UBN1: variants seen among roughly 807,000 people sequenced by gnomAD.
The protein encoded by UBN1 is ubinuclein-1.
UBN1 carries 17 observed loss-of-function variants against 108.5 expected under a neutral mutation model. The ratio of observed to expected loss-of-function variants is 0.16; its 90% CI spans 0.11 to 0.24. UBN1 has a LOEUF of 0.24. UBN1 is among the 10% of genes least tolerant of loss of function. UBN1 has a pLI of 1.00. For missense variants in UBN1, 1,595 were observed against 1,394.4 expected, an observed-to-expected ratio of 1.14 and a Z score of -2.29; for synonymous variants, 726 against 564.2, an observed-to-expected ratio of 1.29 and a Z score of -4.07.
At chr16:4,879,980 C>T in intron 17 of UBN1, 103 bp from the exon 18 acceptor site, 1 of 1,270,352 alleles carries the variant, frequency 7.9e-7, no homozygotes, top group Non-Finnish European at 1.1e-6. Flanking sequence ...CATTTGGGGA[C>T]TTTTGCTATT....
intron 7 of UBN1, among the ~76,000 whole-genome samples, chr16:4,868,333 G>A (rs1163437975): frequency 7.2e-5 from 11 of 152,186 alleles, no homozygotes; most frequent in Admixed American, 7.2e-4. Flanking sequence ...TAGAGAGCTC[G>A]TGGTATACCA....
chr16:4,870,682 T>C (rs982274517), intron 10 of UBN1, 48 bp downstream of exon 10: 5 of 1,607,968 alleles, frequency 3.1e-6, no homozygotes, highest in East Asian at 4.5e-5. Context: ...GTCTTGCCTC[T>C]TCCCCTCCCG....
intron 2 of UBN1, among the ~76,000 whole-genome samples, chr16:4,857,352 A>AG (rs201843691): frequency 0.068 from 2,556 of 37,398 alleles, 65 homozygotes; most frequent in African/African-American, 0.18. Flanking sequence ...CTCTTATCTC[A>AG]AAAAAAAAAA....
intron 7 of UBN1, among the ~76,000 whole-genome samples, chr16:4,864,907 AT>A (rs1259635814): frequency 3.9e-5 from 6 of 152,224 alleles, no homozygotes; most frequent in African/African-American, 1.4e-4. Context: ...TTTAAAAAAA[AT>A]CATGCCCGAT....
In UBN1 at chr16:4,875,013, C is replaced by G; in HGVS notation, c.2603C>G (p.Ser868Cys). ...GCCACCTCAGGAGGCCTGTCAGCCTCCAGCAGCAGCTCTCACAAGACCCCA... is the reference window on the plus strand; with the variant it reads ...GCCACCTCAGGAGGCCTGTCAGCCTGCAGCAGCAGCTCTCACAAGACCCCA... The part of the protein sequence containing the change: ...APATSGGLSA[S>C]SSSSHKTPAS... The change falls in exon 15 of 18, where the codon TCC becomes TGC. Residue 868 changes from serine (S) to cysteine (C), a missense_variant. This residue lies in a region of UBN1 where 1,398 missense variants were observed against 1,194.7 expected (regional missense o/e 1.17). Coordinates refer to ENST00000262376, the MANE Select transcript of UBN1 (RefSeq NM_001079514.3). 1.9e-6 allele frequency: 3 copies of G among 1,614,112 alleles called. No individual in the cohort carries two copies. Among genetic ancestry groups the G allele is most frequent in the Non-Finnish European group, 2.5e-6 (3 of 1,180,042 alleles).
chr16:4,873,769 A>C (rs1671066381), intron 14 of UBN1, among the ~76,000 whole-genome samples: 1 of 152,204 alleles, frequency 6.6e-6, no homozygotes, highest in Admixed American at 6.5e-5. Flanking sequence ...CTTTGAACCC[A>C]GTCTGAGGAG....
chr16:4,873,110 C>G (rs764219720), intron 14 of UBN1, 37 bp downstream of exon 14: 2 of 1,613,346 alleles, frequency 1.2e-6, no homozygotes, highest in South Asian at 2.2e-5. Context: ...TCAGCTATGC[C>G]CATCTCCCTA....
intron 4 of UBN1, 103 bp downstream of exon 4, chr16:4,858,766 T>A: frequency 8.7e-7 from 1 of 1,151,936 alleles, no homozygotes; most frequent in Non-Finnish European, 1.3e-6. Flanking sequence ...CGTGCCCTCT[T>A]CCCAGCATGA....
chr16:4,871,082 G>A (rs2087609203), intron 11 of UBN1, 73 bp from the exon 12 acceptor site: 1 of 1,604,838 alleles, frequency 6.2e-7, no homozygotes, highest in Non-Finnish European at 8.5e-7. Flanking sequence ...CAGGGCTGCT[G>A]AAAGCACATG....
At chr16:4,861,138 G>A in intron 7 of UBN1, 36 bp downstream of exon 7, 1 of 1,572,684 alleles carries the variant, frequency 6.4e-7, no homozygotes, top group Non-Finnish European at 8.6e-7. Flanking sequence ...TTTCCTGGAA[G>A]CAGTTTGGGC....
Position 4,870,868 on chromosome 16 carries a change from G to C in UBN1, c.1455G>C (p.Lys485Asn). Reference sequence around the variant, plus strand: ...GGATGCTGGAAGAGGAGAAAGACAAGGAGCAGAGGGACCGGATTTGTTCGG... The same window carrying C: ...GGATGCTGGAAGAGGAGAAAGACAACGAGCAGAGGGACCGGATTTGTTCGG... Reference protein sequence around the residue: ...VAKMLEEEKDKEQRDRICSDE... With the variant: ...VAKMLEEEKDNEQRDRICSDE... The change falls in exon 11 of 18, where the codon AAG (lysine) becomes AAC (asparagine). Residue 485 changes from lysine (K) to asparagine (N), a missense_variant. Lys to Asn is a moderately conservative substitution (Grantham distance 94, BLOSUM62 0). Coordinates refer to ENST00000262376, the MANE Select transcript of UBN1 (RefSeq NM_001079514.3). The C allele has an allele frequency of 6.2e-7, 1 of 1,614,028 alleles. No individual in the cohort carries two copies. Among genetic ancestry groups the C allele is most frequent in the Non-Finnish European group, 8.5e-7 (1 of 1,179,962 alleles).
rs1379024126 is a variant in UBN1 at position 4,880,731 on chromosome 16, T to C, written c.*599T>C. On this transcript the variant is annotated 3_prime_UTR_variant, in exon 18 of 18. Transcript: ENST00000262376. Reference sequence around the variant, plus strand: ...TCGGAACATGACAATGAAGCTCTTTTAGAGAAAAGACCTTTGTAGATTCAA... The same window carrying C: ...TCGGAACATGACAATGAAGCTCTTTCAGAGAAAAGACCTTTGTAGATTCAA... 6.5e-6 allele frequency: 1 copy of C among 152,704 alleles called. No individual in the cohort carries two copies. Among genetic ancestry groups the C allele is most frequent in the Non-Finnish European group, 1.5e-5 (1 of 68,426 alleles). 9.5% of individuals were successfully genotyped at this position (152,704 alleles called of 1,614,324 possible). A position where few individuals can be genotyped will look rare whatever the true frequency, so the allele number is the denominator to read the frequency against.
At chr16:4,866,482 T>C (rs1423355009) in intron 7 of UBN1, among the ~76,000 whole-genome samples, 2 of 152,226 alleles carry the variant, frequency 1.3e-5, no homozygotes, top group African/African-American at 4.8e-5. Context: ...ATGGGAAATA[T>C]ACTGATGAAT....
intron 1 of UBN1, among the ~76,000 whole-genome samples, chr16:4,850,580 T>A (rs1025597812): frequency 6.6e-6 from 1 of 152,218 alleles, no homozygotes; most frequent in African/African-American, 2.4e-5. Flanking sequence ...GAAATCTCCT[T>A]TAACATCTTA....
At chr16:4,849,852 C>T (rs1158567920) in intron 1 of UBN1, among the ~76,000 whole-genome samples, 2 of 149,492 alleles carry the variant, frequency 1.3e-5, no homozygotes, top group Non-Finnish European at 3.0e-5. Context: ...CTGCCTTAGC[C>T]TCCCAAAGTG....
At chr16:4,859,689 C>T (rs948696094) in intron 5 of UBN1, among the ~76,000 whole-genome samples, 176 bp from the exon 6 acceptor site, 9 of 152,098 alleles carry the variant, frequency 5.9e-5, no homozygotes, top group South Asian at 4.1e-4. Context: ...CAGGAGACAC[C>T]GTCGGTGGGA....
Position 4,875,223 on chromosome 16 carries a change from A to G in UBN1, c.2813A>G (p.Gln938Arg). 17 of 1,614,216 alleles carry G rather than the reference A, an allele frequency of 1.1e-5. No homozygotes were observed. The highest frequency in any genetic ancestry group is 1.4e-5 in the Non-Finnish European group (17 of 1,180,056). ...TCTGGGAGCCTGGTCCCTGGCATAC[A>G]GCCTCCCTCCGTGGGACAGGCCACC... is the stretch of plus-strand genomic sequence containing the variant. ...SVSGSLVPGI[Q>R]PPSVGQATSR... Residue 938 changes from glutamine (Q) to arginine (R), a missense_variant, in exon 15 of 18, where the codon CAG becomes CGG. Physicochemically the swap from Gln to Arg is conservative, Grantham distance 43. This residue lies in a region of UBN1 where 1,398 missense variants were observed against 1,194.7 expected (regional missense o/e 1.17). Transcript: ENST00000262376.
At chr16:4,865,979 A>T (rs1382818884) in intron 7 of UBN1, among the ~76,000 whole-genome samples, 1 of 152,116 alleles carries the variant, frequency 6.6e-6, no homozygotes, top group Non-Finnish European at 1.5e-5. Flanking sequence ...AAACTAAAAT[A>T]AAAAAATAAA....
At position 4,876,946 on chromosome 16, in the gene UBN1, C is replaced by G; in HGVS notation, c.3100C>G (p.Leu1034Val). 6.2e-7 allele frequency: 1 copy of G among 1,614,200 alleles called. No individual in the cohort carries two copies. Among genetic ancestry groups the G allele is most frequent in the Non-Finnish European group, 8.5e-7 (1 of 1,180,036 alleles). ...ACCCTACAAATCCAGCAGCCCAAAG[C>G]TGTCTGGGGCCATGAGCTCGAACTC... ...ASPYKSSSPK[L>V]SGAMSSNSLG... Residue 1034 changes from leucine (L) to valine (V), a missense_variant, in exon 16 of 18, where the codon CTG becomes GTG. Around this residue, in one of 3 missense-constraint regions of UBN1, gnomAD observed 1,398 missense variants for 1,194.7 expected, o/e 1.17. Transcript: ENST00000262376.
Sources: allele counts gnomAD v4.1 joint callset (sites outside exome capture counted in the v4.1 genomes callset), GRCh38; gene constraint gnomAD v4.1.1; regional missense constraint gnomAD v4.1.1; transcripts MANE v1.5; gene names NCBI Gene and HGNC (gene_info 2026-07-23, HGNC 2026-07-21).